The following FDX1 variants were observed in gnomAD, a reference collection of about 807,000 sequenced individuals.
FDX1 encodes ferredoxin 1, also known as adrenodoxin, mitochondrial.
Under a neutral mutation model 14.9 loss-of-function variants are expected in FDX1, and 9 were observed. The observed-to-expected ratio is 0.60, with a 90% CI of 0.36 to 1.05. The LOEUF (loss-of-function observed/expected upper bound fraction) is 1.05, where lower values mean the gene tolerates loss of function less well. Ranked by LOEUF, FDX1 falls within the 50% of genes least tolerant of loss-of-function variation. The pLI is 0.01. For synonymous variants in FDX1, 92 were observed against 99.4 expected, an observed-to-expected ratio of 0.93 and a Z score of 0.44; for missense variants, 204 against 237.2, an observed-to-expected ratio of 0.86 and a Z score of 0.92.
intron 2 of FDX1, among the ~76,000 whole-genome samples, chr11:110,455,427 G>T (rs1025395809): frequency 6.6e-6 from 1 of 152,078 alleles, no homozygotes; most frequent in African/African-American, 2.4e-5. Flanking sequence ...CAGTGGTTGT[G>T]TATATTTCAT....
chr11:110,445,233 A>C (rs1030986486), intron 2 of FDX1, among the ~76,000 whole-genome samples: 2 of 152,208 alleles, frequency 1.3e-5, no homozygotes, highest in Admixed American at 1.3e-4. Context: ...GAAGTTACAT[A>C]TTCTCAAAAT....
At chr11:110,447,195 C>T (rs1173052267) in intron 2 of FDX1, among the ~76,000 whole-genome samples, 39 of 136,324 alleles carry the variant, frequency 2.9e-4, no homozygotes, top group African/African-American at 1.0e-3. Context: ...AAAAAAAAAC[C>T]GAGATGGGCG....
chr11:110,456,951 GTCACC>G lies in FDX1; in HGVS notation c.348_352del (p.Ile118Ter). The G allele has an allele frequency of 6.2e-7, 1 of 1,613,172 alleles. No individual in the cohort carries two copies. The highest frequency in any genetic ancestry group is 8.5e-7 in the Non-Finnish European group (1 of 1,179,480). On this transcript the variant is annotated frameshift_variant, in exon 3 of 4. Transcript: ENST00000260270. LOFTEE classifies it high-confidence loss of function. ...GAGGGAACCCTGGCTTGTTCAACCTGTCACCTCATCTTTGAAGATCACATATATGA... is the reference window on the plus strand; with the variant it reads ...GAGGGAACCCTGGCTTGTTCAACCTGTCATCTTTGAAGATCACATATATGA...
chr11:110,449,393 A>G (rs1245232956), intron 2 of FDX1, among the ~76,000 whole-genome samples: 1 of 152,174 alleles, frequency 6.6e-6, no homozygotes, highest in Non-Finnish European at 1.5e-5. Flanking sequence ...GAAGTATGTT[A>G]TTATTATTAA....
chr11:110,447,903 A>C (rs1286619483), intron 2 of FDX1, among the ~76,000 whole-genome samples: 1 of 152,218 alleles, frequency 6.6e-6, no homozygotes, highest in Admixed American at 6.5e-5. Context: ...CTTTCCCAAT[A>C]GACTGCGATG....
At chr11:110,451,148 C>T (rs1946483994) in intron 2 of FDX1, among the ~76,000 whole-genome samples, 1 of 151,780 alleles carries the variant, frequency 6.6e-6, no homozygotes, top group African/African-American at 2.4e-5. Flanking sequence ...AAAAAAGCTC[C>T]CCATTTTGTG....
intron 2 of FDX1, among the ~76,000 whole-genome samples, chr11:110,447,724 A>G (rs1324090336): frequency 6.6e-6 from 1 of 152,102 alleles, no homozygotes; most frequent in African/African-American, 2.4e-5. Context: ...TTAGCTTTTC[A>G]TCTATCAAAT....
Position 110,463,132 on chromosome 11 carries a change from GACTAA to G in FDX1, c.*669_*673del, listed in dbSNP as rs763404564. The G allele has an allele frequency of 2.0e-5, 3 of 152,316 alleles. No homozygotes were observed. The highest frequency in any genetic ancestry group is 6.5e-5 in the Admixed American group (1 of 15,294). The allele number at this position is 152,316 out of a possible 1,614,324, so 9.4% of individuals were successfully genotyped here. On this transcript the variant is annotated 3_prime_UTR_variant, in exon 4 of 4. Transcript: ENST00000260270. ...ATCAAAGAAGTTTGATCTCTGTTTT[GACTAA>G]ACTAGAGGAAAAATGATTGGATGTG...
intron 1 of FDX1, among the ~76,000 whole-genome samples, chr11:110,431,761 A>G (rs936987354): frequency 6.6e-6 from 1 of 152,162 alleles, no homozygotes; most frequent in Non-Finnish European, 1.5e-5. Context: ...GGATTTGGAT[A>G]TGTCAGGTTG....
intron 2 of FDX1, among the ~76,000 whole-genome samples, chr11:110,454,581 C>G (rs963786078): frequency 6.6e-6 from 1 of 152,134 alleles, no homozygotes; most frequent in Non-Finnish European, 1.5e-5. Flanking sequence ...ACTTCTGGGG[C>G]TTAATTCTTA....
chr11:110,437,131 G>A (rs1276751822), intron 2 of FDX1, among the ~76,000 whole-genome samples: 2 of 152,108 alleles, frequency 1.3e-5, no homozygotes, highest in African/African-American at 2.4e-5. Context: ...GAGTAGCTGG[G>A]ACTGCAGGTG....
chr11:110,447,294 A>C lies in FDX1; in HGVS notation c.311-9624A>C, dbSNP rs1282343107. Among the ~76,000 whole-genome samples the C allele has an allele frequency of 3.2e-5, 4 of 125,760 alleles. No homozygotes were observed. The East Asian group carries it at 9.7e-4, about 31-fold the overall frequency. 82.5% of individuals were successfully genotyped at this position (125,760 alleles called of 152,430 possible). A position where few individuals can be genotyped will look rare whatever the true frequency, so the allele number is the denominator to read the frequency against. ...AATACAAAAAAAAAAAAAAAAAAAA[A>C]AAAAAAAAACCCAGCTGGGCATGGT... On this transcript the variant is annotated intron_variant, in intron 2 of 3. Coordinates refer to ENST00000260270, the MANE Select transcript of FDX1 (RefSeq NM_004109.5).
rs1162177815 is a variant in FDX1, at chr11:110,463,750, G to T, written c.*1282G>T. Reference sequence around the variant, plus strand: ...CCATCAGGGAATTCACCTTTTATTAGGAAAATATAAAATATGTATGTATGT... The same window carrying T: ...CCATCAGGGAATTCACCTTTTATTATGAAAATATAAAATATGTATGTATGT... On this transcript the variant is annotated 3_prime_UTR_variant, in exon 4 of 4. Coordinates refer to ENST00000260270, the MANE Select transcript of FDX1 (RefSeq NM_004109.5). The T allele has an allele frequency of 6.6e-6, 1 of 152,052 alleles. No homozygotes were observed. The highest frequency in any genetic ancestry group is 1.9e-4 in the East Asian group (1 of 5,200). 9.4% of individuals were successfully genotyped at this position (152,052 alleles called of 1,614,324 possible). A position where few individuals can be genotyped will look rare whatever the true frequency, so the allele number is the denominator to read the frequency against.
chr11:110,463,327 G>T lies in FDX1; in HGVS notation c.*859G>T, dbSNP rs1005450382. ...CAGGCTGACACGTTGCACAGCCCCA[G>T]GTGGCGCCATTCTCTCACGCAAGGA... On this transcript the variant is annotated 3_prime_UTR_variant, in exon 4 of 4. Transcript: ENST00000260270. 3 of 152,252 alleles carry T rather than the reference G, an allele frequency of 2.0e-5. No individual in the cohort carries two copies. The highest frequency in any genetic ancestry group is 4.4e-5 in the Non-Finnish European group (3 of 68,048). The allele number at this position is 152,252 out of a possible 1,614,324, so 9.4% of individuals were successfully genotyped here.
chr11:110,435,079 T>G (rs1466343479), intron 1 of FDX1, among the ~76,000 whole-genome samples: 1 of 151,904 alleles, frequency 6.6e-6, no homozygotes, highest in African/African-American at 2.4e-5. Context: ...GACAGGGTCT[T>G]GCTGTGTTGC....
intron 2 of FDX1, among the ~76,000 whole-genome samples, chr11:110,436,802 T>A (rs1056748809): frequency 6.6e-6 from 1 of 152,122 alleles, no homozygotes; most frequent in Non-Finnish European, 1.5e-5. Flanking sequence ...AATTTATCTC[T>A]CTTCTGTTTT....
chr11:110,454,354 C>A (rs11828638), intron 2 of FDX1, among the ~76,000 whole-genome samples: 1,727 of 152,278 alleles, frequency 0.011, 32 homozygotes, highest in African/African-American at 0.039. Context: ...GTAACTCTTC[C>A]TTTCGACTGG....
chr11:110,456,532 T>TG (rs1555070131), intron 2 of FDX1, among the ~76,000 whole-genome samples: 3 of 147,744 alleles, frequency 2.0e-5, no homozygotes, highest in Non-Finnish European at 4.5e-5. Flanking sequence ...TTTTTTTTTT[T>TG]GAGACAGAGT....
chr11:110,431,653 C>A (rs7127245), intron 1 of FDX1, among the ~76,000 whole-genome samples: 76,754 of 152,044 alleles, frequency 0.5, 20,450 homozygotes, highest in African/African-American at 0.67. Context: ...ACAACTGAAT[C>A]AATTGGGACA....
Sources: allele counts gnomAD v4.1 joint callset (sites outside exome capture counted in the v4.1 genomes callset), GRCh38; gene constraint gnomAD v4.1.1; transcripts MANE v1.5; gene names NCBI Gene and HGNC (gene_info 2026-07-23, HGNC 2026-07-21).